Variants in LGR5 observed in about 807,000 individuals in gnomAD.
LGR5 encodes leucine rich repeat containing G protein-coupled receptor 5, also known as leucine-rich repeat-containing G protein-coupled receptor 5.
Under a neutral mutation model 76.7 loss-of-function variants are expected in LGR5, and 54 were observed. The observed-to-expected ratio is 0.70, with a 90% confidence interval of 0.57 to 0.88. The LOEUF (loss-of-function observed/expected upper bound fraction) is 0.88, where lower values mean the gene tolerates loss of function less well. Among genes scored for constraint, LGR5 ranks in the 40% least tolerant of loss-of-function variants. The pLI is 0.00. For missense variants in LGR5, 1,078 were observed against 1,073.3 expected (o/e 1.00, Z -0.06); for synonymous variants, 406 against 421.9 (o/e 0.96, Z 0.46).
intron 2 of LGR5, among the ~76,000 whole-genome samples, chr12:71,515,106 G>A (rs1875373182): frequency 6.6e-6 from 1 of 152,190 alleles, no homozygotes; most frequent in Non-Finnish European, 1.5e-5. Flanking sequence ...GTCAATTGCT[G>A]CTGTCATGCA....
chr12:71,464,095 T>C (rs1872774052), intron 1 of LGR5, among the ~76,000 whole-genome samples: 2 of 152,198 alleles, frequency 1.3e-5, no homozygotes, highest in Non-Finnish European at 2.9e-5. Flanking sequence ...CTTTAAATCA[T>C]GTATGTTGTA....
At chr12:71,527,361 C>T (rs1017644360) in intron 3 of LGR5, among the ~76,000 whole-genome samples, 1 of 152,148 alleles carries the variant, frequency 6.6e-6, no homozygotes, top group African/African-American at 2.4e-5. Flanking sequence ...TCTCACAGTT[C>T]TGGAGGCTGG....
chr12:71,508,467 G>A (rs1243700108), intron 2 of LGR5, among the ~76,000 whole-genome samples: 2 of 151,822 alleles, frequency 1.3e-5, no homozygotes, highest in East Asian at 1.9e-4. Context: ...AAAAAAGCAA[G>A]TAACTCAGCC....
intron 1 of LGR5, among the ~76,000 whole-genome samples, chr12:71,466,784 A>G (rs1159998480): frequency 6.6e-6 from 1 of 152,140 alleles, no homozygotes; most frequent in East Asian, 1.9e-4. Context: ...CAGGTTTTCT[A>G]AATTTAAGAA....
chr12:71,483,625 A>C (rs951179052), intron 1 of LGR5, among the ~76,000 whole-genome samples: 3 of 152,182 alleles, frequency 2.0e-5, no homozygotes, highest in Admixed American at 6.6e-5. Flanking sequence ...TTGGAGTCAC[A>C]CAACTGGGTT....
rs1879313179 is a variant in LGR5, at chr12:71,586,282, G to A, written c.*1548G>A. On this transcript the variant is annotated 3_prime_UTR_variant, in exon 18 of 18. Coordinates refer to ENST00000266674, the MANE Select transcript of LGR5 (RefSeq NM_003667.4). Reference sequence around the variant, plus strand: ...TTTCTATTGGGTAAAAAATAAATTTGTAATAAAATGTGTGACTATGAAACA... The same window carrying A: ...TTTCTATTGGGTAAAAAATAAATTTATAATAAAATGTGTGACTATGAAACA... 1 of 151,816 alleles carries A rather than the reference G, an allele frequency of 6.6e-6. No homozygotes were observed. Among genetic ancestry groups the A allele is most frequent in the Admixed American group, 6.6e-5 (1 of 15,258 alleles). The allele number at this position is 151,816 out of a possible 1,614,324, so 9.4% of individuals were successfully genotyped here. A position where few individuals can be genotyped will look rare whatever the true frequency, so the allele number is the denominator to read the frequency against.
chr12:71,536,571 A>C (rs1876597228), intron 4 of LGR5, among the ~76,000 whole-genome samples: 1 of 152,226 alleles, frequency 6.6e-6, no homozygotes, highest in Non-Finnish European at 1.5e-5. Context: ...CAGCTGGAGA[A>C]GCAAAACAGC....
chr12:71,530,120 A>C (rs148532010), intron 3 of LGR5, among the ~76,000 whole-genome samples: 1 of 152,150 alleles, frequency 6.6e-6, no homozygotes, highest in Non-Finnish European at 1.5e-5. Context: ...GCACAACAAT[A>C]AAGTATATTG....
At chr12:71,495,667 A>C (rs151014003) in intron 1 of LGR5, among the ~76,000 whole-genome samples, 1 of 151,342 alleles carries the variant, frequency 6.6e-6, no homozygotes, top group Non-Finnish European at 1.5e-5. Flanking sequence ...GATGTTAAAT[A>C]ACTTCCTCAA....
At chr12:71,580,883 A>G (rs1208841729) in intron 16 of LGR5, among the ~76,000 whole-genome samples, 5 of 152,178 alleles carry the variant, frequency 3.3e-5, no homozygotes, top group African/African-American at 1.2e-4. Context: ...ATTGTGAATA[A>G]ATCCCACTTT....
Position 71,440,210 on chromosome 12 carries a change from G to C in LGR5, c.130G>C (p.Gly44Arg), listed in dbSNP as rs773017722. ...CPTHCHCEPD[G>R]RMLLRVDCSD... is the part of the protein sequence containing the mutation. ...CACACACTGTCATTGCGAGCCCGAC[G>C]GCAGGATGTTGCTCAGGGTGGACTG... The change falls in exon 1 of 18, where the codon GGC becomes CGC. Residue 44 changes from glycine to arginine, a missense_variant. Gly to Arg is a moderately radical substitution (Grantham distance 125). Transcript: ENST00000266674. The surrounding 1 kb of genome is among the most constrained non-coding windows in gnomAD (Gnocchi z 5.3). 5.0e-6 allele frequency: 8 copies of C among 1,613,032 alleles called. No homozygotes were observed. The highest frequency in any genetic ancestry group is 2.2e-5 in the East Asian group (1 of 44,870).
intron 1 of LGR5, among the ~76,000 whole-genome samples, chr12:71,467,310 T>C (rs1309535457): frequency 2.0e-5 from 3 of 152,216 alleles, no homozygotes; most frequent in Non-Finnish European, 4.4e-5. Flanking sequence ...CTTTAAAAGG[T>C]AGTGAAGATA....
At chr12:71,554,404 G>A (rs952164709) in intron 5 of LGR5, among the ~76,000 whole-genome samples, 4 of 152,134 alleles carry the variant, frequency 2.6e-5, no homozygotes, top group Admixed American at 6.5e-5. Context: ...CCAATCTTAT[G>A]TTTTACAATA....
At chr12:71,534,278 A>G (rs1285928188) in intron 3 of LGR5, among the ~76,000 whole-genome samples, 2 of 152,220 alleles carry the variant, frequency 1.3e-5, no homozygotes, top group Non-Finnish European at 2.9e-5. Flanking sequence ...CTCATTAGCA[A>G]TGATATATTT....
chr12:71,458,243 C>A (rs552826273), intron 1 of LGR5, among the ~76,000 whole-genome samples: 1 of 152,142 alleles, frequency 6.6e-6, no homozygotes, highest in South Asian at 2.1e-4. Context: ...TACTAATCTC[C>A]TGCGCTAGGG....
At chr12:71,540,850 A>G (rs1876840261) in intron 4 of LGR5, among the ~76,000 whole-genome samples, 1 of 152,180 alleles carries the variant, frequency 6.6e-6, no homozygotes, top group East Asian at 1.9e-4. Context: ...GAATAAGATT[A>G]AAGGATCAAA....
chr12:71,497,708 TA>T (rs1391416237), intron 1 of LGR5, among the ~76,000 whole-genome samples: 3 of 152,226 alleles, frequency 2.0e-5, no homozygotes, highest in Non-Finnish European at 2.9e-5. Flanking sequence ...GGCAGAGAGC[TA>T]AATGCTACTG....
rs1795456 is a variant in LGR5 at position 71,564,720 on chromosome 12, T to C, written c.858-1684T>C. 0.013 allele frequency among the ~76,000 whole-genome samples: 88 copies of C among 7,032 alleles called. 7 individuals carry two copies. The East Asian group carries it at 0.27, about 22-fold the overall frequency. 4.6% of individuals were successfully genotyped at this position (7,032 alleles called of 152,430 possible). The stretch of plus-strand genomic sequence containing the variant: ...TGTACACACACTGTATATATACATA[T>C]ATACATATATGTACACACACTGTAT... On this transcript the variant is annotated intron_variant, in intron 8 of 17. Coordinates refer to ENST00000266674, the MANE Select transcript of LGR5 (RefSeq NM_003667.4).
At chr12:71,505,701 C>T (rs1874818138) in intron 2 of LGR5, among the ~76,000 whole-genome samples, 5 of 152,114 alleles carry the variant, frequency 3.3e-5, no homozygotes, top group Admixed American at 3.3e-4. Context: ...AATTTCTCCC[C>T]TCTGGAGTTT....
Sources: gnomAD v4.1 joint callset for allele counts (sites outside exome capture counted in the v4.1 genomes callset) on GRCh38, gnomAD v4.1.1 for gene constraint, Gnocchi (gnomAD v3.1) non-coding constraint, MANE v1.5 for transcripts, NCBI Gene and HGNC (gene_info 2026-07-23, HGNC 2026-07-21) for gene names.